PLA2G4E: variants seen among roughly 807,000 people sequenced by gnomAD.
PLA2G4E encodes the protein cytosolic phospholipase A2 epsilon.
A neutral mutation model predicts 109.1 loss-of-function variants in PLA2G4E; 84 were observed. The observed-to-expected ratio is 0.77, with a 90% CI of 0.65 to 0.92. The LOEUF is 0.92. Among genes scored for constraint, PLA2G4E ranks in the 40% least tolerant of loss-of-function variants. The pLI is 0.00. For synonymous variants in PLA2G4E, 469 were observed against 436.1 expected (o/e 1.08, Z -0.94); for missense variants, 1,057 against 1,076.6 (o/e 0.98, Z 0.25).
rs1434907007 is a variant in PLA2G4E, at chr15:41,993,020, C to T, written c.1248-61G>A. Reference sequence around the variant, plus strand: ...CGGCCCCTGTCTGATGAGTCCTGGACCCGGGCAGGAGGGAAGGTGGGCAGG... The same window carrying T: ...CGGCCCCTGTCTGATGAGTCCTGGATCCGGGCAGGAGGGAAGGTGGGCAGG... On this transcript the variant is annotated intron_variant, in intron 12 of 19. Coordinates refer to ENST00000399518, the Ensembl canonical transcript of PLA2G4E. The T allele has an allele frequency of 3.4e-6, 5 of 1,460,328 alleles. No homozygotes were observed. The South Asian group carries it at 6.3e-5, about 19-fold the overall frequency. 90.5% of individuals were successfully genotyped at this position (1,460,328 alleles called of 1,614,324 possible). A position where few individuals can be genotyped will look rare whatever the true frequency, so the allele number is the denominator to read the frequency against.
chr15:41,987,012 C>CGACACCACCAAATGTGGAA, intron 17 of PLA2G4E, 160 bp downstream of exon 17: 1 of 730,296 alleles, frequency 1.4e-6, no homozygotes, highest in South Asian at 1.8e-5. Context: ...GTGTTCAAGA[C>CGACACCACCAAATGTGGAA]GACACCACCA....
intron 1 of PLA2G4E, among the ~76,000 whole-genome samples, chr15:42,021,481 G>A (rs1457339331): frequency 2.6e-5 from 4 of 151,744 alleles, no homozygotes; most frequent in African/African-American, 9.7e-5. Flanking sequence ...CAGGAGCTGT[G>A]GCCAGGGACC....
chr15:42,002,688 G>A, exon 6 of PLA2G4E: 2 of 1,581,334 alleles, frequency 1.3e-6, no homozygotes, highest in East Asian at 2.3e-5. Flanking sequence ...GGTCTCAGGT[G>A]GAGAGGGACT....
At chr15:42,041,031 C>T (rs999499876) in intron 1 of PLA2G4E, among the ~76,000 whole-genome samples, 9 of 152,086 alleles carry the variant, frequency 5.9e-5, no homozygotes, top group Non-Finnish European at 1.0e-4. Context: ...ATTGATAAGA[C>T]GTAGTGTTGG....
At chr15:42,004,362 G>C (rs1201686805) in intron 5 of PLA2G4E, among the ~76,000 whole-genome samples, 5 of 150,384 alleles carry the variant, frequency 3.3e-5, no homozygotes, top group Admixed American at 1.3e-4. Flanking sequence ...GAGGGAGAGA[G>C]GGAGAAAGGG....
chr15:41,982,618 C>T (rs965871130), exon 20 of PLA2G4E: 3 of 152,356 alleles, frequency 2.0e-5, no homozygotes, highest in Non-Finnish European at 4.4e-5. Context: ...CAGTGAGCAC[C>T]GACAGCTGGA....
chr15:41,983,690 C>G, exon 20 of PLA2G4E: 1 of 1,430,812 alleles, frequency 7.0e-7, no homozygotes, highest in Non-Finnish European at 9.6e-7. Context: ...ACCTGGTCAG[C>G]CCTGAGGGGT....
At chr15:42,014,135 A>G (rs1012250377) in intron 1 of PLA2G4E, among the ~76,000 whole-genome samples, 3 of 151,590 alleles carry the variant, frequency 2.0e-5, no homozygotes, top group Non-Finnish European at 4.4e-5. Context: ...CAGGTGATCC[A>G]CCCACCTCGG....
rs533632057 is a variant in PLA2G4E at position 42,043,767 on chromosome 15, A to G, written c.183+6754T>C. Among the ~76,000 whole-genome samples the G allele has an allele frequency of 1.4e-4, 22 of 152,158 alleles. No individual in the cohort carries two copies. In the South Asian group the frequency reaches 4.4e-3, roughly 30 times the overall value. The stretch of plus-strand genomic sequence containing the variant: ...TCAGCAATTACTTTATCTCTCTGAA[A>G]CTCACTGTTCACTTTCCTCATCTGT... On this transcript the variant is annotated intron_variant, in intron 1 of 19. Transcript: ENST00000399518.
intron 4 of PLA2G4E, 141 bp from the exon 5 acceptor site, chr15:42,005,119 T>C: frequency 1.0e-6 from 1 of 968,206 alleles, no homozygotes; most frequent in Non-Finnish European, 1.6e-6. Context: ...AGTGTGCTTG[T>C]GGTCTCCTCT....
At chr15:42,025,600 C>A (rs867655612) in intron 1 of PLA2G4E, among the ~76,000 whole-genome samples, 1 of 152,078 alleles carries the variant, frequency 6.6e-6, no homozygotes, top group African/African-American at 2.4e-5. Context: ...TGTATGCAGG[C>A]GAAGTTTGGC....
At chr15:42,014,573 A>T (rs1318621639) in intron 1 of PLA2G4E, among the ~76,000 whole-genome samples, 1 of 152,150 alleles carries the variant, frequency 6.6e-6, no homozygotes, top group East Asian at 1.9e-4. Context: ...ACAGACACTG[A>T]TCACGCACGG....
At chr15:42,006,405 T>C (rs2068477273) in intron 3 of PLA2G4E, among the ~76,000 whole-genome samples, 1 of 152,012 alleles carries the variant, frequency 6.6e-6, no homozygotes, top group Non-Finnish European at 1.5e-5. Context: ...ACCTGTGAAG[T>C]ATGGAAGGAT....
At chr15:42,022,151 T>A (rs1239169909) in intron 1 of PLA2G4E, among the ~76,000 whole-genome samples, 1 of 152,186 alleles carries the variant, frequency 6.6e-6, no homozygotes, top group African/African-American at 2.4e-5. Context: ...AATCCTAAGC[T>A]TGAAGTTGCT....
At chr15:42,042,024 G>A (rs923875579) in intron 1 of PLA2G4E, among the ~76,000 whole-genome samples, 1 of 152,060 alleles carries the variant, frequency 6.6e-6, no homozygotes, top group African/African-American at 2.4e-5. Flanking sequence ...TTGACAAGGA[G>A]TGGAGAGGAA....
chr15:42,034,758 T>TA (rs34447970), intron 1 of PLA2G4E, among the ~76,000 whole-genome samples: 1 of 152,150 alleles, frequency 6.6e-6, no homozygotes, highest in Non-Finnish European at 1.5e-5. Context: ...GACTCAGCCT[T>TA]AAAAAGTTGA....
exon 6 of PLA2G4E, chr15:42,002,654 C>A: frequency 6.3e-7 from 1 of 1,584,166 alleles, no homozygotes; most frequent in East Asian, 2.3e-5. Flanking sequence ...AGATAATTAC[C>A]ACCAGCACGC....
intron 1 of PLA2G4E, among the ~76,000 whole-genome samples, chr15:42,028,372 TTTATTTATTTACTTA>T (rs1566848683): frequency 1.9e-3 from 121 of 62,460 alleles, no homozygotes; most frequent in African/African-American, 5.7e-3. Flanking sequence ...TTTTATTTTA[TTTATTTATTTACTTA>T]TTTATTTATT....
At chr15:42,008,786 C>G (rs1021766440) in intron 2 of PLA2G4E, among the ~76,000 whole-genome samples, 1 of 152,198 alleles carries the variant, frequency 6.6e-6, no homozygotes, top group Non-Finnish European at 1.5e-5. Flanking sequence ...CCAGGGTACA[C>G]ACCAGATACA....
Sources: gnomAD v4.1 joint callset for allele counts (sites outside exome capture counted in the v4.1 genomes callset) on GRCh38, gnomAD v4.1.1 for gene constraint, MANE v1.5 for transcripts, NCBI Gene and HGNC (gene_info 2026-07-23, HGNC 2026-07-21) for gene names.